The following ZNF827 variants were observed in gnomAD, a reference collection of about 807,000 sequenced individuals.
ZNF827 encodes zinc finger protein 827.
ZNF827 carries 13 observed loss-of-function variants against 102.4 expected under a neutral mutation model. The observed-to-expected ratio is 0.13, with a 90% CI of 0.08 to 0.20. The LOEUF (loss-of-function observed/expected upper bound fraction) is 0.20. ZNF827 is among the 10% of genes least tolerant of loss of function. The pLI is 1.00. For synonymous variants in ZNF827, 523 were observed against 536.2 expected (o/e 0.98, Z 0.34); for missense variants, 1,103 against 1,344.4 (o/e 0.82, Z 2.81).
intron 8 of ZNF827, among the ~76,000 whole-genome samples, chr4:145,810,899 T>C (rs1741941047): frequency 6.6e-6 from 1 of 152,212 alleles, no homozygotes; most frequent in Admixed American, 6.5e-5. Context: ...TCAAGTCTAT[T>C]TGTAGATTAA....
rs189017303 is a variant in ZNF827, at chr4:145,813,137, G to A, written c.2383+10285C>T. On this transcript the variant is annotated intron_variant, in intron 8 of 14. Transcript: ENST00000508784. The stretch of plus-strand genomic sequence containing the variant: ...TCTATCAACATTATCATGGCTCCAC[G>A]ATCCAGGATCACCAAAAGCAGATGA... Among the ~76,000 whole-genome samples the A allele has an allele frequency of 3.9e-5, 6 of 152,120 alleles. No homozygotes were observed. The East Asian group carries it at 9.7e-4, about 25-fold the overall frequency.
chr4:145,779,033 C>A (rs1248502845), intron 9 of ZNF827, among the ~76,000 whole-genome samples: 1 of 152,134 alleles, frequency 6.6e-6, no homozygotes, highest in Non-Finnish European at 1.5e-5. Context: ...CCACCCACAA[C>A]AATAAGATAA....
At chr4:145,782,477 A>G (rs1304684303) in intron 8 of ZNF827, among the ~76,000 whole-genome samples, 1 of 151,716 alleles carries the variant, frequency 6.6e-6, no homozygotes, top group African/African-American at 2.4e-5. Flanking sequence ...TCCTCCCCCG[A>G]CTCTCTTTCA....
chr4:145,800,334 TCATTTCATCTGGATAG>T (rs1740768490), intron 8 of ZNF827, among the ~76,000 whole-genome samples: 1 of 151,558 alleles, frequency 6.6e-6, no homozygotes, highest in Non-Finnish European at 1.5e-5. Context: ...TGAAGCAATA[TCATTTCATCTGGATAG>T]CTGGTCCTTT....
chr4:145,904,432 G>T (rs1421529441), intron 1 of ZNF827, among the ~76,000 whole-genome samples: 1 of 152,238 alleles, frequency 6.6e-6, no homozygotes, highest in Non-Finnish European at 1.5e-5. Context: ...AGGATGGGGA[G>T]TAATGGGTGG....
intron 1 of ZNF827, among the ~76,000 whole-genome samples, chr4:145,921,753 T>C (rs1753084046): frequency 2.0e-5 from 3 of 152,088 alleles, no homozygotes. Context: ...AGACCAGAAA[T>C]ACTCCTAATT....
intron 8 of ZNF827, among the ~76,000 whole-genome samples, chr4:145,799,336 G>T (rs975690736): frequency 6.6e-6 from 1 of 152,192 alleles, no homozygotes; most frequent in East Asian, 1.9e-4. Flanking sequence ...TTCTGAGTGT[G>T]TAACATATAT....
intron 2 of ZNF827, among the ~76,000 whole-genome samples, chr4:145,894,167 A>C (rs1750808828): frequency 6.6e-6 from 1 of 152,202 alleles, no homozygotes; most frequent in Non-Finnish European, 1.5e-5. Context: ...AAACAAGCGG[A>C]TATGATGTCT....
intron 8 of ZNF827, among the ~76,000 whole-genome samples, chr4:145,796,286 C>T (rs924133490): frequency 1.3e-5 from 2 of 152,208 alleles, no homozygotes; most frequent in African/African-American, 4.8e-5. Flanking sequence ...CAAACACACG[C>T]AGACATGTTT....
Position 145,850,825 on chromosome 4 carries a change from T to C in ZNF827, c.1982-1264A>G, listed in dbSNP as rs184521820. On this transcript the variant is annotated intron_variant, in intron 5 of 14. Coordinates refer to ENST00000508784, the MANE Select transcript of ZNF827 (RefSeq NM_001306215.2). ...ACAGATAGAGTAGTGGGTTGAATTG[T>C]GGTCCCCCAAAAGAAACATCTACAT... Among the ~76,000 whole-genome samples, 555 of 152,326 alleles carry C rather than the reference T, an allele frequency of 3.6e-3. 2 individuals carry two copies. The highest frequency in any genetic ancestry group is 6.4e-3 in the Non-Finnish European group (436 of 68,032).
chr4:145,766,022 T>C (rs958830668), intron 11 of ZNF827, among the ~76,000 whole-genome samples: 30 of 152,348 alleles, frequency 2.0e-4, no homozygotes, highest in Admixed American at 1.4e-3. Flanking sequence ...ACTAAACATG[T>C]TACCACGTTC....
chr4:145,808,940 A>G (rs1347263192), intron 8 of ZNF827, among the ~76,000 whole-genome samples: 1 of 152,168 alleles, frequency 6.6e-6, no homozygotes, highest in East Asian at 1.9e-4. Flanking sequence ...AGCTGGGACT[A>G]CAGGTATACA....
intron 8 of ZNF827, among the ~76,000 whole-genome samples, chr4:145,801,417 CAGACA>C (rs1461783185): frequency 6.6e-6 from 1 of 152,246 alleles, no homozygotes; most frequent in Non-Finnish European, 1.5e-5. Flanking sequence ...ATATCCCCAT[CAGACA>C]GCACTGAATC....
At chr4:145,899,003 T>C (rs976906475) in intron 2 of ZNF827, among the ~76,000 whole-genome samples, 2 of 152,144 alleles carry the variant, frequency 1.3e-5, no homozygotes, top group Non-Finnish European at 2.9e-5. Context: ...GAAATCAGGA[T>C]GGTGTGTAGT....
chr4:145,892,824 A>T (rs1232517168), intron 2 of ZNF827, among the ~76,000 whole-genome samples: 2 of 152,260 alleles, frequency 1.3e-5, no homozygotes, highest in Non-Finnish European at 2.9e-5. Context: ...TCCATGTCTG[A>T]ATTCCTGAAC....
chr4:145,862,251 G>C (rs1390213337), intron 5 of ZNF827, among the ~76,000 whole-genome samples: 1 of 152,224 alleles, frequency 6.6e-6, no homozygotes, highest in East Asian at 1.9e-4. Context: ...TTCCAGGGCT[G>C]GCTGCATCCA....
chr4:145,910,446 T>C (rs1039792665), intron 1 of ZNF827, among the ~76,000 whole-genome samples: 2 of 152,058 alleles, frequency 1.3e-5, no homozygotes, highest in Non-Finnish European at 2.9e-5. Context: ...CTCCCTTGAC[T>C]CTTCTCTTTC....
rs1195743183 is a variant in ZNF827 at position 145,902,983 on chromosome 4, T to A, written c.276A>T (p.Arg92=). 6.2e-7 allele frequency: 1 copy of A among 1,614,172 alleles called. No homozygotes were observed. The highest frequency in any genetic ancestry group is 1.1e-5 in the South Asian group (1 of 91,074). ...GGTGATCTTGACACTGCAGTGAGTC[T>A]CGCAGGACCTCACTGTCCAGTGCCA... The part of the protein sequence containing the change: ...ELVALDSEVL[R]DSLQCQDHLS... Residue 92 remains arginine (R), a synonymous_variant, in exon 2 of 15, where the codon CGA becomes CGT. Transcript: ENST00000508784. The surrounding 1 kb of genome is among the most constrained non-coding windows in gnomAD (Gnocchi z 4.3).
intron 4 of ZNF827, among the ~76,000 whole-genome samples, chr4:145,875,223 A>C (rs1427694382): frequency 2.0e-5 from 3 of 152,228 alleles, no homozygotes; most frequent in African/African-American, 7.2e-5. Flanking sequence ...TTGAGTAATT[A>C]CATAGGGATC....
Sources: gnomAD v4.1 joint callset for allele counts (sites outside exome capture counted in the v4.1 genomes callset) on GRCh38, gnomAD v4.1.1 for gene constraint, Gnocchi (gnomAD v3.1) non-coding constraint, MANE v1.5 for transcripts, NCBI Gene and HGNC (gene_info 2026-07-23, HGNC 2026-07-21) for gene names.